FAM163A: variants seen among roughly 807,000 people sequenced by gnomAD.
The protein encoded by FAM163A is protein FAM163A.
In FAM163A, 7 loss-of-function variants were observed where a neutral mutation model predicts 12.0. The observed-to-expected ratio is 0.58, with a 90% CI of 0.33 to 1.10. The LOEUF (loss-of-function observed/expected upper bound fraction) is 1.10, where lower values mean the gene tolerates loss of function less well. Among genes scored for constraint, FAM163A ranks in the 50% least tolerant of loss-of-function variants. The pLI is 0.03. For synonymous variants in FAM163A, 101 were observed against 91.0 expected (o/e 1.11, Z -0.62); for missense variants, 202 against 218.6 (o/e 0.92, Z 0.48).
At chr1:179,747,064 A>G (rs567410345) in intron 1 of FAM163A, among the ~76,000 whole-genome samples, 6 of 152,274 alleles carry the variant, frequency 3.9e-5, no homozygotes, top group African/African-American at 1.4e-4. Flanking sequence ...TAAAGGAGCA[A>G]GAGGAACACT....
intron 1 of FAM163A, among the ~76,000 whole-genome samples, chr1:179,767,141 A>G (rs534169980): frequency 6.6e-6 from 1 of 152,218 alleles, no homozygotes; most frequent in East Asian, 1.9e-4. Flanking sequence ...ATCAGGCACC[A>G]AGACAATATG....
intron 2 of FAM163A, among the ~76,000 whole-genome samples, chr1:179,808,806 A>G (rs1243200545): frequency 1.3e-5 from 2 of 152,148 alleles, no homozygotes; most frequent in Non-Finnish European, 2.9e-5. Flanking sequence ...GCATAAATGG[A>G]GCACTTTGTA....
chr1:179,735,740 TGATCAGCCC>T, the FAM163A span, among the ~76,000 whole-genome samples: 1 of 152,062 alleles, frequency 6.6e-6, no homozygotes, highest in Non-Finnish European at 1.5e-5. Flanking sequence ...CCTGACCTCG[TGATCAGCCC>T]ACCTCGGCCT....
the FAM163A span, among the ~76,000 whole-genome samples, chr1:179,732,087 C>T: frequency 2.0e-5 from 3 of 152,172 alleles, no homozygotes; most frequent in African/African-American, 4.8e-5. Context: ...TGCCTATTTC[C>T]GGTAGCTAAA....
rs181342438 is a variant in FAM163A, at chr1:179,814,007, C to G, written c.322C>G (p.Arg108Gly). ...CCCATACAGCTCCCCCTTTTACATA[C>G]GGACGGCTGACATGGTGCCCAATGG... ...CSPYSSPFYIRTADMVPNGGG... is the reference protein window; with the variant it reads ...CSPYSSPFYIGTADMVPNGGG... Residue 108 changes from arginine to glycine, a missense_variant, in exon 5 of 5, where the codon CGG becomes GGG. Transcript: ENST00000341785. 162 of 1,613,050 alleles carry G rather than the reference C, an allele frequency of 1.0e-4. No individual in the cohort carries two copies. In the East Asian group the frequency reaches 2.3e-3, roughly 22 times the overall value.
chr1:179,814,310 T>C lies in FAM163A; in HGVS notation c.*121T>C. Reference sequence around the variant, plus strand: ...TTTCTGTTTCTTTGGCTTTTCTCGCTCCGCAGTGGAGGGTTTACTAGGATT... The same window carrying C: ...TTTCTGTTTCTTTGGCTTTTCTCGCCCCGCAGTGGAGGGTTTACTAGGATT... On this transcript the variant is annotated 3_prime_UTR_variant, in exon 5 of 5. Transcript: ENST00000341785. 2 of 1,313,638 alleles carry C rather than the reference T, an allele frequency of 1.5e-6. No individual in the cohort carries two copies. The highest frequency in any genetic ancestry group is 2.4e-4 in the Middle Eastern group (1 of 4,110). The allele number at this position is 1,313,638 out of a possible 1,614,324, so 81.4% of individuals were successfully genotyped here.
At chr1:179,787,358 A>C (rs994814515) in intron 1 of FAM163A, among the ~76,000 whole-genome samples, 15 of 152,300 alleles carry the variant, frequency 9.8e-5, no homozygotes, top group African/African-American at 2.2e-4. Context: ...CAATGTGTTC[A>C]TTCAGCTGGT....
rs748863901 is a variant in FAM163A, at chr1:179,813,875, G to C, written c.190G>C (p.Ala64Pro). The change falls in exon 5 of 5, where the codon GCC (alanine) becomes CCC (proline). Residue 64 changes from alanine (A) to proline (P), a missense_variant. Physicochemically the swap from Ala to Pro is conservative, Grantham distance 27. Transcript: ENST00000341785. The part of the protein sequence containing the change: ...PTHPRGPTCN[A>P]CSSQALDGRG... ...GCATCCCAGAGGCCCCACCTGCAAT[G>C]CCTGCAGCTCCCAAGCCCTGGACGG... 2.5e-6 allele frequency: 4 copies of C among 1,613,992 alleles called. No individual in the cohort carries two copies. The highest frequency in any genetic ancestry group is 1.7e-6 in the Non-Finnish European group (2 of 1,180,026).
upstream of FAM163A, among the ~76,000 whole-genome samples, chr1:179,739,211 A>G (rs75632350): frequency 1.6e-5 from 1 of 63,858 alleles, no homozygotes; most frequent in African/African-American, 9.2e-5. Context: ...CATGAAACAG[A>G]AAAAAAAAAA....
chr1:179,728,997 A>G, the FAM163A span, among the ~76,000 whole-genome samples: 1 of 152,176 alleles, frequency 6.6e-6, no homozygotes, highest in East Asian at 1.9e-4. Context: ...TTGATTAGCT[A>G]TTGGTCTGGA....
upstream of FAM163A, chr1:179,742,670 T>C (rs1307465291): frequency 1.3e-5 from 2 of 152,230 alleles, no homozygotes; most frequent in Non-Finnish European, 2.9e-5. Context: ...TTTTAAGACA[T>C]TAAAAGAAGG....
At chr1:179,731,764 T>C in the FAM163A span, among the ~76,000 whole-genome samples, 1 of 152,216 alleles carries the variant, frequency 6.6e-6, no homozygotes, top group South Asian at 2.1e-4. Context: ...TCGTGCCCAT[T>C]TACCTGTTTA....
chr1:179,755,895 C>A (rs1217449773), intron 1 of FAM163A, among the ~76,000 whole-genome samples: 2 of 152,138 alleles, frequency 1.3e-5, no homozygotes, highest in African/African-American at 2.4e-5. Context: ...AGGACCATTC[C>A]CCACCTCTCT....
chr1:179,749,512 CTG>C (rs1684966738), intron 1 of FAM163A, among the ~76,000 whole-genome samples: 1 of 152,180 alleles, frequency 6.6e-6, no homozygotes. Flanking sequence ...CCCATGGAAA[CTG>C]TGGGGCTTTT....
chr1:179,787,273 C>T (rs1690767479), intron 1 of FAM163A, among the ~76,000 whole-genome samples: 2 of 152,134 alleles, frequency 1.3e-5, no homozygotes, highest in Admixed American at 6.5e-5. Flanking sequence ...AAGGAGAGCT[C>T]ACCCTAAACA....
intron 1 of FAM163A, among the ~76,000 whole-genome samples, chr1:179,765,766 G>A (rs988106540): frequency 6.8e-6 from 1 of 147,308 alleles, no homozygotes; most frequent in Non-Finnish European, 1.5e-5. Flanking sequence ...TCACATCCAT[G>A]GTTTTGCTCT....
intron 1 of FAM163A, among the ~76,000 whole-genome samples, chr1:179,770,993 G>T (rs1688199613): frequency 6.6e-6 from 1 of 152,176 alleles, no homozygotes; most frequent in Non-Finnish European, 1.5e-5. Context: ...AATGTTCCCT[G>T]GTCTGATTAT....
At chr1:179,771,196 C>T (rs1215228905) in intron 1 of FAM163A, among the ~76,000 whole-genome samples, 2 of 152,254 alleles carry the variant, frequency 1.3e-5, no homozygotes, top group African/African-American at 2.4e-5. Flanking sequence ...GCTGCCCAGC[C>T]GTCCACAGCT....
intron 1 of FAM163A, among the ~76,000 whole-genome samples, chr1:179,799,577 T>C (rs1429161217): frequency 6.6e-6 from 1 of 152,196 alleles, no homozygotes; most frequent in Non-Finnish European, 1.5e-5. Context: ...AAACTTAATA[T>C]TTTCTGTAAA....
Sources: gnomAD v4.1 joint callset for allele counts (sites outside exome capture counted in the v4.1 genomes callset) on GRCh38, gnomAD v4.1.1 for gene constraint, MANE v1.5 for transcripts, NCBI Gene and HGNC (gene_info 2026-07-23, HGNC 2026-07-21) for gene names.